Variants in AR observed in about 807,000 individuals in gnomAD.
The protein encoded by AR is dihydrotestosterone receptor.
Under a neutral mutation model 53.9 loss-of-function variants are expected in AR, and 8 were observed. The ratio of observed to expected loss-of-function variants is 0.15; its 90% CI spans 0.09 to 0.27. The LOEUF (loss-of-function observed/expected upper bound fraction) is 0.27, where lower values mean the gene tolerates loss of function less well. AR is among the 10% of genes least tolerant of loss of function. AR has a pLI of 1.00. For synonymous variants in AR, 359 were observed against 316.4 expected, an observed-to-expected ratio of 1.13 and a Z score of -1.43; for missense variants, 639 against 742.5, an observed-to-expected ratio of 0.86 and a Z score of 1.62.
intron 1 of AR, among the ~76,000 whole-genome samples, chrX:67,562,356 A>ATGTGTGTG (rs756124629): frequency 1.1e-4 from 10 of 95,030 alleles, no homozygotes; most frequent in African/African-American, 3.5e-4. Flanking sequence ...TATGGTGTAT[A>ATGTGTGTG]TGTGTGTGTG....
At position 67,729,445 on chromosome X, in the gene AR, T is replaced by C. The variant is rs1285328241; in HGVS notation, c.*5604T>C. 1 of 173,578 alleles carries C rather than the reference T, an allele frequency of 5.8e-6. No homozygotes were observed. Among genetic ancestry groups the C allele is most frequent in the Non-Finnish European group, 1.1e-5 (1 of 91,053 alleles). The allele number at this position is 173,578 out of a possible 1,213,427, so 14.3% of individuals were successfully genotyped here. The stretch of plus-strand genomic sequence containing the variant: ...TCACCCATAGAAAGAGTGGTAGATA[T>C]TTGAATTTAGCAGGTGGAGTTTCAT... On this transcript the variant is annotated 3_prime_UTR_variant, in exon 8 of 8. Coordinates refer to ENST00000374690, the MANE Select transcript of AR (RefSeq NM_000044.6).
Position 67,723,997 on chromosome X carries a change from G to T in AR, c.*156G>T. 3.9e-6 allele frequency: 3 copies of T among 760,406 alleles called. No homozygotes were observed. Among genetic ancestry groups the T allele is most frequent in the Non-Finnish European group, 5.6e-6 (3 of 535,675 alleles). The allele number at this position is 760,406 out of a possible 1,213,427, so 62.7% of individuals were successfully genotyped here. On this transcript the variant is annotated 3_prime_UTR_variant, in exon 8 of 8. Coordinates refer to ENST00000374690, the MANE Select transcript of AR (RefSeq NM_000044.6). The stretch of plus-strand genomic sequence containing the variant: ...ACATGTTCCTGAATTCTATTTGCTG[G>T]GCTTTTTTTTTCTCTTTCTCTCCTT...
At chrX:67,679,253 T>C (rs1363966887) in intron 2 of AR, among the ~76,000 whole-genome samples, 1 of 111,625 alleles carries the variant, frequency 9.0e-6, no homozygotes, top group Non-Finnish European at 1.9e-5. Flanking sequence ...TGTAACCAAG[T>C]ATATTGTTTG....
chrX:67,585,890 G>C (rs1464166691), intron 1 of AR, among the ~76,000 whole-genome samples: 1 of 111,909 alleles, frequency 8.9e-6, no homozygotes, highest in Non-Finnish European at 1.9e-5. Flanking sequence ...GCTTTCTGCT[G>C]TGAAAAACAA....
At chrX:67,569,572 C>T (rs929958933) in intron 1 of AR, among the ~76,000 whole-genome samples, 15 of 111,372 alleles carry the variant, frequency 1.3e-4, no homozygotes, top group African/African-American at 3.9e-4. Context: ...TCTGTGTAAT[C>T]GAGTGTCTTG....
intron 2 of AR, among the ~76,000 whole-genome samples, chrX:67,666,587 G>T (rs908470962): frequency 9.0e-6 from 1 of 111,575 alleles, no homozygotes; most frequent in African/African-American, 3.3e-5. Flanking sequence ...CAGTGGGATT[G>T]CTGGGTCATA....
intron 1 of AR, among the ~76,000 whole-genome samples, chrX:67,624,672 G>A (rs1387251777): frequency 9.1e-6 from 1 of 109,393 alleles, no homozygotes; most frequent in Non-Finnish European, 1.9e-5. Flanking sequence ...GGTTATAAAG[G>A]GTGACCAAGT....
intron 1 of AR, among the ~76,000 whole-genome samples, chrX:67,632,160 G>T (rs1394940573): frequency 1.8e-5 from 2 of 113,077 alleles, no homozygotes; most frequent in East Asian, 2.8e-4. Context: ...GCTGTGGTGG[G>T]CTCCACCCAG....
At chrX:67,719,523 G>A (rs897429930) in intron 5 of AR, among the ~76,000 whole-genome samples, 7 of 111,612 alleles carry the variant, frequency 6.3e-5, no homozygotes, top group Non-Finnish European at 1.3e-4. Context: ...CAGAGGCCTA[G>A]ACCCATCAAA....
intron 1 of AR, among the ~76,000 whole-genome samples, chrX:67,630,508 C>T (rs1345087336): frequency 1.8e-5 from 2 of 110,859 alleles, no homozygotes; most frequent in Admixed American, 1.9e-4. Flanking sequence ...CTTCCTCCAT[C>T]CTTTTATTTT....
Position 67,729,481 on chromosome X carries a change from G to T in AR, c.*5640G>T. 5.7e-6 allele frequency: 1 copy of T among 175,201 alleles called. No individual in the cohort carries two copies. The highest frequency in any genetic ancestry group is 8.1e-5 in the East Asian group (1 of 12,360). The allele number at this position is 175,201 out of a possible 1,213,427, so 14.4% of individuals were successfully genotyped here. ...CAGGTGGAGTTTCATAGTAAAAACA[G>T]CTTTTGACTCAGCTTTGATTTATCC... is the stretch of plus-strand genomic sequence containing the variant. On this transcript the variant is annotated 3_prime_UTR_variant, in exon 8 of 8. Transcript: ENST00000374690.
intron 1 of AR, among the ~76,000 whole-genome samples, chrX:67,621,524 A>G (rs185599326): frequency 5.4e-4 from 60 of 110,251 alleles, no homozygotes; most frequent in African/African-American, 1.9e-3. Flanking sequence ...CTAACCCCAG[A>G]CAGGCCCTGG....
chrX:67,711,064 C>A (rs1369100317), intron 3 of AR, among the ~76,000 whole-genome samples: 1 of 111,860 alleles, frequency 8.9e-6, no homozygotes, highest in Non-Finnish European at 1.9e-5. Context: ...GAAAATGAAT[C>A]ATTAATATAT....
At chrX:67,627,336 G>C (rs1251547576) in intron 1 of AR, among the ~76,000 whole-genome samples, 2 of 112,046 alleles carry the variant, frequency 1.8e-5, no homozygotes, top group Non-Finnish European at 3.8e-5. Context: ...ACTGGCGTGA[G>C]ATGATATCTC....
intron 2 of AR, among the ~76,000 whole-genome samples, chrX:67,665,162 G>A (rs149422809): frequency 3.1e-3 from 344 of 112,575 alleles, no homozygotes; most frequent in African/African-American, 0.011. Flanking sequence ...AGATGAACCC[G>A]GTACCTCAGT....
Position 67,645,246 on chromosome X carries a change from A to G in AR, c.1768+1839A>G, listed in dbSNP as rs373167363. On this transcript the variant is annotated intron_variant, in intron 2 of 7. Coordinates refer to ENST00000374690, the MANE Select transcript of AR (RefSeq NM_000044.6). ...GAGTTTTACAAATATGGGTCACTAA[A>G]TTGTTATTTTCAGAAAACAGGGGAA... Among the ~76,000 whole-genome samples the G allele has an allele frequency of 6.3e-4, 71 of 112,063 alleles. No individual in the cohort carries two copies. In the South Asian group the frequency reaches 0.025, roughly 39 times the overall value.
intron 1 of AR, among the ~76,000 whole-genome samples, chrX:67,616,944 C>A (rs1384039889): frequency 1.8e-5 from 2 of 111,220 alleles, no homozygotes; most frequent in Non-Finnish European, 3.8e-5. Flanking sequence ...CCTCCTAAGG[C>A]CTCAGAAATA....
chrX:67,727,622 G>A lies in AR; in HGVS notation c.*3781G>A. The A allele has an allele frequency of 5.7e-6, 1 of 173,963 alleles. No individual in the cohort carries two copies. The allele number at this position is 173,963 out of a possible 1,213,427, so 14.3% of individuals were successfully genotyped here. A position where few individuals can be genotyped will look rare whatever the true frequency, so the allele number is the denominator to read the frequency against. On this transcript the variant is annotated 3_prime_UTR_variant, in exon 8 of 8. Coordinates refer to ENST00000374690, the MANE Select transcript of AR (RefSeq NM_000044.6). ...CCTTGATATCTGGCAGGGCATAAAG[G>A]CCCAGGCCACTTCCTCTGCCCCTTC...
intron 2 of AR, among the ~76,000 whole-genome samples, chrX:67,657,951 T>G (rs1209179078): frequency 8.9e-6 from 1 of 111,872 alleles, no homozygotes; most frequent in Non-Finnish European, 1.9e-5. Context: ...AGCATGTCTA[T>G]CACAGATAAC....
Sources: gnomAD v4.1 joint callset for allele counts (sites outside exome capture counted in the v4.1 genomes callset) on GRCh38, gnomAD v4.1.1 for gene constraint, MANE v1.5 for transcripts, NCBI Gene and HGNC (gene_info 2026-07-23, HGNC 2026-07-21) for gene names.